Variants in NAT1 observed in about 807,000 individuals in gnomAD.
NAT1 encodes arylamine N-acetyltransferase 1.
For missense variants in NAT1, 400 were observed against 339.2 expected (o/e 1.18, Z -1.41); for synonymous variants, 144 against 122.6 (o/e 1.17, Z -1.16).
chr8:18,208,860 T>G (rs1195231295), upstream of NAT1, among the ~76,000 whole-genome samples: 1 of 152,188 alleles, frequency 6.6e-6, no homozygotes, highest in Non-Finnish European at 1.5e-5. Context: ...CAAGTTCCAG[T>G]CCACTTCACA....
upstream of NAT1, among the ~76,000 whole-genome samples, chr8:18,206,008 C>A (rs1803701658): frequency 6.6e-6 from 1 of 152,194 alleles, no homozygotes; most frequent in Admixed American, 6.5e-5. Context: ...GATGGCCATC[C>A]CTGGCCCTGC....
At chr8:18,191,609 A>C (rs964479867) in intron 2 of NAT1, among the ~76,000 whole-genome samples, 33 of 152,230 alleles carry the variant, frequency 2.2e-4, no homozygotes, top group African/African-American at 5.3e-4. Flanking sequence ...AGGCTACAGT[A>C]ACCAAAACAG....
Position 18,192,739 on chromosome 8 carries a change from G to T in NAT1, n.93-17042G>T, listed in dbSNP as rs1269849637. On this transcript the variant is annotated intron_variant and non_coding_transcript_variant, in intron 2 of 4. Coordinates refer to the NAT1 transcript ENST00000517441. ...ATCATTCTCAGTAAACTATCGCAAGGACAAAAAACCAAACACTGCATGTTC... is the reference window on the plus strand; with the variant it reads ...ATCATTCTCAGTAAACTATCGCAAGTACAAAAAACCAAACACTGCATGTTC... 1.1e-4 allele frequency among the ~76,000 whole-genome samples: 17 copies of T among 150,556 alleles called. No individual in the cohort carries two copies. The Admixed American group carries it at 1.1e-3, about 10-fold the overall frequency.
chr8:18,178,825 T>C (rs1437368025), intron 2 of NAT1, among the ~76,000 whole-genome samples: 2 of 152,088 alleles, frequency 1.3e-5, no homozygotes, highest in Non-Finnish European at 2.9e-5. Context: ...TCCATTCAGT[T>C]TCCTCTCTGT....
At chr8:18,185,007 A>C (rs1364678938) in intron 2 of NAT1, among the ~76,000 whole-genome samples, 5 of 152,170 alleles carry the variant, frequency 3.3e-5, no homozygotes, top group Admixed American at 6.5e-5. Flanking sequence ...GTTGCTGGCA[A>C]ATCTAAACAT....
chr8:18,179,493 T>C (rs2117215684), intron 2 of NAT1, among the ~76,000 whole-genome samples: 1 of 152,276 alleles, frequency 6.6e-6, no homozygotes, highest in Non-Finnish European at 1.5e-5. Context: ...CTTGTCTCAG[T>C]GTCAGCTGGA....
intron 2 of NAT1, among the ~76,000 whole-genome samples, chr8:18,179,995 C>T (rs1385827664): frequency 5.3e-5 from 8 of 152,026 alleles, no homozygotes; most frequent in African/African-American, 9.7e-5. Flanking sequence ...TAGGCAGAGC[C>T]GGGGCATAGT....
chr8:18,192,375 C>G (rs1803028995), intron 2 of NAT1, among the ~76,000 whole-genome samples: 1 of 152,146 alleles, frequency 6.6e-6, no homozygotes, highest in Non-Finnish European at 1.5e-5. Flanking sequence ...AATAGGAACA[C>G]TTTTCCACTG....
intron 2 of NAT1, chr8:18,200,872 A>C (rs1431734799): frequency 2.0e-5 from 3 of 152,086 alleles, no homozygotes; most frequent in Non-Finnish European, 4.4e-5. Flanking sequence ...GATCTCCTGG[A>C]AGTCCATTTG....
At chr8:18,215,623 T>C (rs1804577305) in intron 1 of NAT1, among the ~76,000 whole-genome samples, 1 of 147,906 alleles carries the variant, frequency 6.8e-6, no homozygotes. Context: ...CCTGTACAAT[T>C]TTTTTTTTCA....
At position 18,223,581 on chromosome 8, in the gene NAT1, A is replaced by C. The variant is rs1414110302; in HGVS notation, c.*661A>C. ...GCTTTTACAGTTTAGTGGCGGAACT[A>C]AACTCCCAAAATTATTTGTTATATG... On this transcript the variant is annotated 3_prime_UTR_variant, in exon 3 of 3. Transcript: ENST00000307719. 6.0e-6 allele frequency: 1 copy of C among 167,030 alleles called. No individual in the cohort carries two copies. The highest frequency in any genetic ancestry group is 1.5e-5 in the Non-Finnish European group (1 of 68,112). 10.3% of individuals were successfully genotyped at this position (167,030 alleles called of 1,614,324 possible). A position where few individuals can be genotyped will look rare whatever the true frequency, so the allele number is the denominator to read the frequency against.
At chr8:18,205,033 G>T (rs535730839) in intron 2 of NAT1, among the ~76,000 whole-genome samples, 1 of 152,284 alleles carries the variant, frequency 6.6e-6, no homozygotes, top group South Asian at 2.1e-4. Context: ...GGCTCCTTGA[G>T]TTTAGGTATC....
chr8:18,174,316 G>C (rs2117198714), intron 2 of NAT1, among the ~76,000 whole-genome samples: 1 of 152,206 alleles, frequency 6.6e-6, no homozygotes, highest in South Asian at 2.1e-4. Flanking sequence ...GACACATTCA[G>C]TCCCTGCCCT....
upstream of NAT1, among the ~76,000 whole-genome samples, chr8:18,207,626 T>G (rs1803782408): frequency 6.6e-6 from 1 of 152,132 alleles, no homozygotes; most frequent in Admixed American, 6.5e-5. Flanking sequence ...CAGATGCCAG[T>G]GAGGCTGCAG....
chr8:18,198,494 G>C (rs1589082425), intron 2 of NAT1, among the ~76,000 whole-genome samples: 1 of 152,264 alleles, frequency 6.6e-6, no homozygotes, highest in East Asian at 1.9e-4. Context: ...GTAGTGTTGA[G>C]GTTAAATCAC....
intron 1 of NAT1, among the ~76,000 whole-genome samples, chr8:18,213,082 T>TTTA (rs1345559633): frequency 6.7e-6 from 1 of 148,724 alleles, no homozygotes; most frequent in Non-Finnish European, 1.5e-5. Context: ...TTTTTTTTTT[T>TTTA]AATTTTTTAT....
intron 2 of NAT1, among the ~76,000 whole-genome samples, chr8:18,187,799 C>T (rs980854330): frequency 3.9e-5 from 6 of 151,982 alleles, no homozygotes; most frequent in Non-Finnish European, 8.8e-5. Context: ...ACACCAAACC[C>T]GTGTGACATG....
intron 2 of NAT1, among the ~76,000 whole-genome samples, chr8:18,174,569 T>C (rs1032283745): frequency 1.3e-5 from 2 of 152,104 alleles, no homozygotes; most frequent in African/African-American, 4.8e-5. Flanking sequence ...TCCATCATAA[T>C]GGACCTTCAA....
intron 2 of NAT1, among the ~76,000 whole-genome samples, chr8:18,187,545 C>T (rs961056634): frequency 4.6e-5 from 7 of 152,122 alleles, no homozygotes; most frequent in African/African-American, 1.7e-4. Flanking sequence ...AAGATCATGT[C>T]CTCTGCAGCA....
Sources: gnomAD v4.1 joint callset for allele counts (sites outside exome capture counted in the v4.1 genomes callset) on GRCh38, gnomAD v4.1.1 for gene constraint, MANE v1.5 for transcripts, NCBI Gene and HGNC (gene_info 2026-07-23, HGNC 2026-07-21) for gene names.